CDH13: variants seen among roughly 807,000 people sequenced by gnomAD.
CDH13 encodes cadherin 13, also known as cadherin-13.
Under a neutral mutation model 63.8 loss-of-function variants are expected in CDH13, and 24 were observed. The observed-to-expected ratio is 0.38, with a 90% CI of 0.27 to 0.53. The LOEUF (loss-of-function observed/expected upper bound fraction) is 0.53, where lower values mean the gene tolerates loss of function less well. Ranked by LOEUF, CDH13 falls within the 20% of genes least tolerant of loss-of-function variation. The probability of loss-of-function intolerance (pLI) is 0.85; values close to 1 mark genes in which losing one functional copy is unlikely to be tolerated. For synonymous variants in CDH13, 503 were observed against 355.3 expected (o/e 1.42, Z -4.67); for missense variants, 1,049 against 903.1 (o/e 1.16, Z -2.07).
intron 1 of CDH13, among the ~76,000 whole-genome samples, chr16:82,683,960 C>G (rs534013951): frequency 6.6e-6 from 1 of 152,188 alleles, no homozygotes; most frequent in African/African-American, 2.4e-5. Context: ...TTTGACTTGT[C>G]TAGTCTCCTC....
chr16:83,068,127 C>T lies in CDH13; in HGVS notation c.366+35909C>T, dbSNP rs72796233. Among the ~76,000 whole-genome samples, 301 of 152,296 alleles carry T rather than the reference C, an allele frequency of 2.0e-3. 2 individuals are homozygous for T. The highest frequency in any genetic ancestry group is 3.3e-3 in the Non-Finnish European group (224 of 68,030). On this transcript the variant is annotated intron_variant, in intron 3 of 13. Coordinates refer to ENST00000567109, the MANE Select transcript of CDH13 (RefSeq NM_001257.5). ...CTGAAATGGATAGCTGAGAGCATTA[C>T]CACAGTCGGATCTGCTGGGTTGAAT...
chr16:82,745,201 G>C (rs2034107452), intron 1 of CDH13, among the ~76,000 whole-genome samples: 1 of 152,196 alleles, frequency 6.6e-6, no homozygotes, highest in South Asian at 2.1e-4. Context: ...ACTTGGAGTT[G>C]TGTGCGTGGG....
intron 6 of CDH13, among the ~76,000 whole-genome samples, chr16:83,482,387 G>A (rs1374006240): frequency 6.6e-6 from 1 of 152,240 alleles, no homozygotes; most frequent in Non-Finnish European, 1.5e-5. Flanking sequence ...AGTTTGGTGA[G>A]TGCTGCAGAG....
intron 10 of CDH13, among the ~76,000 whole-genome samples, chr16:83,745,981 G>A (rs1912542130): frequency 6.6e-6 from 1 of 152,184 alleles, no homozygotes; most frequent in Non-Finnish European, 1.5e-5. Context: ...CAGGGTCGCA[G>A]CTCCAAGGTC....
intron 4 of CDH13, among the ~76,000 whole-genome samples, chr16:83,144,180 A>C (rs2036650325): frequency 6.6e-6 from 1 of 152,098 alleles, no homozygotes; most frequent in African/African-American, 2.4e-5. Flanking sequence ...TGGAGAGCCT[A>C]CAGATGTGGT....
chr16:83,027,508 G>T (rs1057083943), intron 2 of CDH13, among the ~76,000 whole-genome samples: 3 of 152,146 alleles, frequency 2.0e-5, no homozygotes, highest in Admixed American at 1.3e-4. Context: ...ATGCAAGAGT[G>T]GGTGAGGTGT....
At chr16:83,616,631 A>G (rs779481455) in intron 8 of CDH13, among the ~76,000 whole-genome samples, 7 of 152,206 alleles carry the variant, frequency 4.6e-5, no homozygotes, top group South Asian at 2.1e-4. Context: ...AACTCTAAGA[A>G]TATGACATGA....
chr16:83,041,766 G>A (rs868174205), intron 3 of CDH13, among the ~76,000 whole-genome samples: 44 of 152,268 alleles, frequency 2.9e-4, no homozygotes, highest in Middle Eastern at 6.8e-3. Flanking sequence ...GAAAAGTTAC[G>A]TAACTTCTCT....
chr16:83,424,167 G>A (rs2071812589), intron 6 of CDH13, among the ~76,000 whole-genome samples: 1 of 151,840 alleles, frequency 6.6e-6, no homozygotes, highest in South Asian at 2.1e-4. Context: ...AAGTCTAGAA[G>A]AGGGAAATCT....
At chr16:82,918,415 C>T (rs983701817) in intron 2 of CDH13, among the ~76,000 whole-genome samples, 2 of 151,802 alleles carry the variant, frequency 1.3e-5, no homozygotes, top group Non-Finnish European at 2.9e-5. Flanking sequence ...ATGGGCAGGG[C>T]CAGCATGGTT....
chr16:83,234,804 T>C (rs2040098250), intron 5 of CDH13, among the ~76,000 whole-genome samples: 2 of 152,172 alleles, frequency 1.3e-5, no homozygotes, highest in African/African-American at 4.8e-5. Flanking sequence ...TAGGAAAGTG[T>C]CTGGAAAAAG....
At chr16:83,192,074 G>A (rs1262320391) in intron 4 of CDH13, among the ~76,000 whole-genome samples, 1 of 152,076 alleles carries the variant, frequency 6.6e-6, no homozygotes, top group Non-Finnish European at 1.5e-5. Flanking sequence ...ACGGATACTC[G>A]GTCACTATTT....
intron 2 of CDH13, among the ~76,000 whole-genome samples, chr16:82,955,313 G>C (rs1905909121): frequency 6.6e-6 from 1 of 152,214 alleles, no homozygotes; most frequent in Admixed American, 6.5e-5. Flanking sequence ...TGCAGACATA[G>C]ATTTCCAGAA....
intron 11 of CDH13, among the ~76,000 whole-genome samples, chr16:83,778,461 CA>C (rs1915273414): frequency 2.0e-5 from 3 of 150,862 alleles, no homozygotes; most frequent in African/African-American, 7.3e-5. Context: ...ACCGAGGAGG[CA>C]GAGGTTGCAG....
chr16:82,628,827 T>A (rs959497319), intron 1 of CDH13, among the ~76,000 whole-genome samples: 3 of 152,218 alleles, frequency 2.0e-5, no homozygotes, highest in Non-Finnish European at 4.4e-5. Flanking sequence ...TTCAGACAGA[T>A]CCTTCCTGCC....
At chr16:82,761,030 T>C (rs992339286) in intron 1 of CDH13, among the ~76,000 whole-genome samples, 6 of 114,868 alleles carry the variant, frequency 5.2e-5, no homozygotes, top group African/African-American at 1.3e-4. Context: ...TTTTTTTTTT[T>C]TTTTTTTTTT....
At chr16:82,905,284 C>A (rs117646271) in intron 2 of CDH13, among the ~76,000 whole-genome samples, 1 of 152,156 alleles carries the variant, frequency 6.6e-6, no homozygotes, top group Non-Finnish European at 1.5e-5. Context: ...GCAACTTGCT[C>A]AGGTCACGCA....
chr16:83,190,762 A>G (rs1366390458), intron 4 of CDH13, among the ~76,000 whole-genome samples: 1 of 152,214 alleles, frequency 6.6e-6, no homozygotes, highest in Non-Finnish European at 1.5e-5. Context: ...AACCATTATG[A>G]AGACAAATCT....
At chr16:82,747,621 C>G (rs2034236314) in intron 1 of CDH13, among the ~76,000 whole-genome samples, 1 of 152,148 alleles carries the variant, frequency 6.6e-6, no homozygotes, top group Non-Finnish European at 1.5e-5. Context: ...TCAAGTAATT[C>G]TGATGGCTAG....
Sources: allele counts gnomAD v4.1 joint callset (sites outside exome capture counted in the v4.1 genomes callset), GRCh38; gene constraint gnomAD v4.1.1; transcripts MANE v1.5; gene names NCBI Gene and HGNC (gene_info 2026-07-23, HGNC 2026-07-21).